PCDH11Y: variants seen among roughly 807,000 people sequenced by gnomAD.
PCDH11Y encodes the protein protocadherin 11 Y-linked, also known as protocadherin-11 Y-linked.
For synonymous variants in PCDH11Y, 9 were observed against 83.6 expected (o/e 0.11, Z 4.87); for missense variants, 12 against 224.8 (o/e 0.05, Z 6.05).
At chrY:5,104,205 G>A (rs879206616), downstream of PCDH11Y, 1 of 280,757 alleles carries the variant, frequency 3.6e-6, no homozygotes, top group South Asian at 3.9e-5. Flanking sequence ...ATTGGTATTC[G>A]CTATTGTAAA....
intron 4 of PCDH11Y, among the ~76,000 whole-genome samples, chrY:5,668,147 T>C: frequency 6.2e-5 from 2 of 32,267 alleles, no homozygotes; most frequent in Admixed American, 5.8e-4. Flanking sequence ...TCTTTAAAAA[T>C]ATCTAATCAG....
chrY:5,319,228 A>G, intron 2 of PCDH11Y, among the ~76,000 whole-genome samples: 1 of 33,083 alleles, frequency 3.0e-5, no homozygotes, highest in African/African-American at 1.2e-4. Context: ...GGATGATCAT[A>G]CTTTCCAATT....
chrY:5,197,419 G>A, intron 2 of PCDH11Y, among the ~76,000 whole-genome samples: 1 of 32,405 alleles, frequency 3.1e-5, no homozygotes, highest in Non-Finnish European at 7.5e-5. Context: ...AAGTCAGTGT[G>A]GTGATTCCTC....
At chrY:5,542,761 G>A in intron 3 of PCDH11Y, among the ~76,000 whole-genome samples, 1 of 31,958 alleles carries the variant, frequency 3.1e-5, no homozygotes, top group Non-Finnish European at 7.6e-5. Context: ...AGGAGGGTGA[G>A]TGGGTGGGAG....
chrY:5,453,693 G>A, intron 2 of PCDH11Y, among the ~76,000 whole-genome samples: 1 of 33,024 alleles, frequency 3.0e-5, no homozygotes, highest in East Asian at 8.0e-4. Context: ...CCTAGGGAGA[G>A]CAGGCACATC....
chrY:5,020,229 C>G, intron 1 of PCDH11Y, among the ~76,000 whole-genome samples: 1 of 31,717 alleles, frequency 3.2e-5, no homozygotes, highest in Non-Finnish European at 7.6e-5. Flanking sequence ...ACCTCCTAAA[C>G]ACAAATCTTT....
At chrY:5,027,430 G>A in intron 1 of PCDH11Y, among the ~76,000 whole-genome samples, 1 of 24,976 alleles carries the variant, frequency 4.0e-5, no homozygotes, top group Non-Finnish European at 8.6e-5. Context: ...TATATTTTAT[G>A]TGAATAAGGG....
intron 3 of PCDH11Y, among the ~76,000 whole-genome samples, chrY:5,538,249 T>C: frequency 5.9e-5 from 2 of 33,650 alleles, no homozygotes; most frequent in African/African-American, 2.3e-4. Context: ...AGTGGCATGA[T>C]CTAATGTATG....
At chrY:5,105,408 C>T (rs2052789471), downstream of PCDH11Y, 1 of 166,804 alleles carries the variant, frequency 6.0e-6, no homozygotes, top group Non-Finnish European at 7.3e-6. Context: ...GGGTGGATCA[C>T]CTGAGGTCAG....
At chrY:5,207,544 G>A in intron 2 of PCDH11Y, 1 of 350,487 alleles carries the variant, frequency 2.9e-6, no homozygotes, top group Non-Finnish European at 4.1e-6. Context: ...GAATTCATCA[G>A]TCTTGCAGCC....
In PCDH11Y at chrY:5,223,409, T is replaced by C. The variant is rs1602889020; in HGVS notation, c.3129+122702T>C. Among the ~76,000 whole-genome samples, 37 of 33,501 alleles carry C rather than the reference T, an allele frequency of 1.1e-3. No individual in the cohort carries two copies. The East Asian group carries it at 0.027, about 25-fold the overall frequency. The allele number at this position is 33,501 out of a possible 37,273, so 89.9% of individuals were successfully genotyped here. ...TAGTAAGCATTCAGTACATATTCAG[T>C]AAATAATCTATTTCCTGATTGATAG... On this transcript the variant is annotated intron_variant, in intron 2 of 4. Transcript: ENST00000400457.
At chrY:5,129,992 G>A in intron 2 of PCDH11Y, among the ~76,000 whole-genome samples, 1 of 33,280 alleles carries the variant, frequency 3.0e-5, no homozygotes, top group Non-Finnish European at 7.4e-5. Context: ...AAGAATAATG[G>A]CCTCCAGCTC....
chrY:5,239,133 T>C, intron 2 of PCDH11Y, among the ~76,000 whole-genome samples: 1 of 32,821 alleles, frequency 3.0e-5, no homozygotes, highest in Non-Finnish European at 7.5e-5. Context: ...CACGTATGTT[T>C]ATTGCGGCAC....
At chrY:5,042,501 T>C (rs2052615788) in intron 3 of PCDH11Y, among the ~76,000 whole-genome samples, 1 of 27,951 alleles carries the variant, frequency 3.6e-5, no homozygotes, top group Non-Finnish European at 8.4e-5. Context: ...CATGCTGTTT[T>C]GGTTACTGTA....
chrY:5,015,161 C>A, intron 1 of PCDH11Y, among the ~76,000 whole-genome samples: 1 of 33,666 alleles, frequency 3.0e-5, no homozygotes, highest in Non-Finnish European at 7.4e-5. Context: ...TTGAAAGAAG[C>A]CTTTACATAT....
intron 2 of PCDH11Y, among the ~76,000 whole-genome samples, chrY:5,145,866 T>A (rs2052856511): frequency 3.0e-5 from 1 of 33,376 alleles, no homozygotes; most frequent in Non-Finnish European, 7.4e-5. Context: ...ACAGTCTGTC[T>A]AGCTCGAGTC....
At chrY:5,645,050 A>T (rs2124705510) in intron 4 of PCDH11Y, among the ~76,000 whole-genome samples, 1 of 32,586 alleles carries the variant, frequency 3.1e-5, no homozygotes, top group Admixed American at 2.9e-4. Flanking sequence ...TCGTGAGGGC[A>T]TGGAATTCAT....
intron 4 of PCDH11Y, among the ~76,000 whole-genome samples, chrY:5,583,393 A>AT (rs2053452518): frequency 1.0e-4 from 3 of 29,149 alleles, no homozygotes; most frequent in South Asian, 7.7e-4. Context: ...AAGTTTTAGA[A>AT]TTTTTTTTTC....
chrY:5,460,807 G>A, intron 2 of PCDH11Y, among the ~76,000 whole-genome samples: 2 of 33,345 alleles, frequency 6.0e-5, no homozygotes, highest in Non-Finnish European at 1.5e-4. Flanking sequence ...AAATTTATTA[G>A]ATTCTTTTAC....
Sources: gnomAD v4.1 joint callset for allele counts (sites outside exome capture counted in the v4.1 genomes callset) on GRCh38, gnomAD v4.1.1 for gene constraint, MANE v1.5 for transcripts, NCBI Gene and HGNC (gene_info 2026-07-23, HGNC 2026-07-21) for gene names.